The following SKIL variants were observed in gnomAD, a reference collection of about 807,000 sequenced individuals.
SKIL encodes the protein SKI like proto-oncogene.
SKIL carries 20 observed loss-of-function variants against 69.6 expected under a neutral mutation model. The observed-to-expected ratio is 0.29, with a 90% CI of 0.20 to 0.42. The LOEUF (loss-of-function observed/expected upper bound fraction) is 0.42. Among genes scored for constraint, SKIL ranks in the 10% least tolerant of loss-of-function variants. The pLI is 1.00. For synonymous variants in SKIL, 310 were observed against 279.9 expected (o/e 1.11, Z -1.08); for missense variants, 745 against 783.1 (o/e 0.95, Z 0.58).
chr3:170,376,042 C>CTTTTTT (rs869036195), intron 2 of SKIL, among the ~76,000 whole-genome samples: 14 of 89,136 alleles, frequency 1.6e-4, no homozygotes, highest in Admixed American at 4.2e-4. Context: ...GCTGATTTTC[C>CTTTTTT]TTTTTTTTTT....
intron 6 of SKIL, among the ~76,000 whole-genome samples, chr3:170,391,808 C>CTCT (rs1737937166): frequency 7.0e-6 from 1 of 142,536 alleles, no homozygotes; most frequent in African/African-American, 2.5e-5. Flanking sequence ...AATTGCTAAT[C>CTCT]TCTAGCCCTC....
chr3:170,368,849 T>C (rs1207783631), intron 2 of SKIL, among the ~76,000 whole-genome samples: 1 of 152,214 alleles, frequency 6.6e-6, no homozygotes, highest in Non-Finnish European at 1.5e-5. Context: ...TTTCGACTTG[T>C]TACCCAAAAA....
At chr3:170,364,857 A>G (rs926918389) in intron 2 of SKIL, among the ~76,000 whole-genome samples, 6 of 152,156 alleles carry the variant, frequency 3.9e-5, no homozygotes, top group African/African-American at 1.4e-4. Flanking sequence ...TGATTTGAAT[A>G]CATTTTCGAT....
rs1213211067 is a variant in SKIL at position 170,395,090 on chromosome 3, A to G, written c.*2673A>G. The G allele has an allele frequency of 6.6e-6, 1 of 152,180 alleles. No homozygotes were observed. Among genetic ancestry groups the G allele is most frequent in the African/African-American group, 2.4e-5 (1 of 41,458 alleles). The allele number at this position is 152,180 out of a possible 1,614,324, so 9.4% of individuals were successfully genotyped here. A position where few individuals can be genotyped will look rare whatever the true frequency, so the allele number is the denominator to read the frequency against. Reference sequence around the variant, plus strand: ...AACCTATAAAAAGTTTTGCTAGCTCATCTTTAGAAGGAAGAAAGAATATTA... The same window carrying G: ...AACCTATAAAAAGTTTTGCTAGCTCGTCTTTAGAAGGAAGAAAGAATATTA... On this transcript the variant is annotated 3_prime_UTR_variant, in exon 7 of 7. Transcript: ENST00000259119.
At position 170,391,273 on chromosome 3, in the gene SKIL, G is replaced by GT; in HGVS notation, c.1896+16dup. ...ATATGCAGGACAGGTAAGAATTACT[G>GT]TTTGTATAATGGTGCCCTTTCAGCA... On this transcript the variant is annotated intron_variant, in intron 6 of 6. Coordinates refer to ENST00000259119, the MANE Select transcript of SKIL (RefSeq NM_005414.5). The GT allele has an allele frequency of 7.0e-7, 1 of 1,431,174 alleles. No homozygotes were observed. The highest frequency in any genetic ancestry group is 1.2e-5 in the South Asian group (1 of 83,494). 88.7% of individuals were successfully genotyped at this position (1,431,174 alleles called of 1,614,324 possible).
intron 2 of SKIL, among the ~76,000 whole-genome samples, chr3:170,364,436 G>A (rs1054528994): frequency 4.1e-5 from 6 of 146,600 alleles, no homozygotes; most frequent in African/African-American, 1.5e-4. Flanking sequence ...TGATTCTCCT[G>A]TCTCAGCCTC....
At chr3:170,366,007 C>T (rs1364064965) in intron 2 of SKIL, among the ~76,000 whole-genome samples, 11 of 151,078 alleles carry the variant, frequency 7.3e-5, no homozygotes, top group South Asian at 2.1e-4. Context: ...CCACCTGCCT[C>T]GGCCTCCCAA....
rs143933706 is a variant in SKIL, at chr3:170,360,662, C to T, written c.331C>T (p.His111Tyr). 135 of 1,614,204 alleles carry T rather than the reference C, an allele frequency of 8.4e-5. No homozygotes were observed. In the African/African-American group the frequency reaches 1.4e-3, roughly 17 times the overall value. ...LGGPAAFSAR[H>Y]SQESMSPTVF... ...TGGACCAGCAGCATTTTCTGCTCGG[C>T]ATTCCCAAGAAAGCATGTCGCCTAC... Residue 111 changes from histidine (H) to tyrosine (Y), a missense_variant, in exon 2 of 7, where the codon CAT (histidine) becomes TAT (tyrosine). Physicochemically the swap from His to Tyr is moderately conservative, Grantham distance 83. Transcript: ENST00000259119.
At position 170,393,319 on chromosome 3, in the gene SKIL, TTTTCC is replaced by T. The variant is rs1360724558; in HGVS notation, c.*906_*910del. ...TACTAAAATTTATATAATGGACTTG[TTTTCC>T]TTTAAGTTGTAAAATGTTAAACACC... On this transcript the variant is annotated 3_prime_UTR_variant, in exon 7 of 7. Coordinates refer to ENST00000259119, the MANE Select transcript of SKIL (RefSeq NM_005414.5). The T allele has an allele frequency of 6.6e-6, 1 of 152,148 alleles. No individual in the cohort carries two copies. Among genetic ancestry groups the T allele is most frequent in the Non-Finnish European group, 1.5e-5 (1 of 68,004 alleles). 9.4% of individuals were successfully genotyped at this position (152,148 alleles called of 1,614,324 possible). A position where few individuals can be genotyped will look rare whatever the true frequency, so the allele number is the denominator to read the frequency against.
At chr3:170,378,847 T>G (rs1560215281) in intron 2 of SKIL, among the ~76,000 whole-genome samples, 1 of 108,378 alleles carries the variant, frequency 9.2e-6, no homozygotes, top group Admixed American at 1.2e-4. Context: ...AATTGGAGCT[T>G]CTTTTATTTA....
rs982266102 is a variant in SKIL at position 170,360,415 on chromosome 3, A to C, written c.84A>C (p.Pro28=). Residue 28 remains proline, a synonymous_variant, in exon 2 of 7, where the codon CCA becomes CCC. Transcript: ENST00000259119. ...GGATGGGAGATGATGGCAGCCCCCC[A>C]GCGAAAAAAATGATAACGGACATTC... ...LNGMGDDGSP[P]AKKMITDIHA... 6.2e-7 allele frequency: 1 copy of C among 1,612,858 alleles called. No homozygotes were observed. The highest frequency in any genetic ancestry group is 1.3e-5 in the African/African-American group (1 of 74,898).
intron 2 of SKIL, among the ~76,000 whole-genome samples, chr3:170,378,609 TGGC>T (rs1474466296): frequency 1.4e-5 from 2 of 139,078 alleles, no homozygotes; most frequent in Non-Finnish European, 3.0e-5. Flanking sequence ...TGGAGTGCAG[TGGC>T]GCGAACTCAG....
At position 170,360,722 on chromosome 3, in the gene SKIL, C is replaced by T; in HGVS notation, c.391C>T (p.Pro131Ser). The T allele has an allele frequency of 6.2e-7, 1 of 1,614,204 alleles. No individual in the cohort carries two copies. Among genetic ancestry groups the T allele is most frequent in the Non-Finnish European group, 8.5e-7 (1 of 1,180,030 alleles). ...GCCTCTTCCATCACCTCAGGTTCTT[C>T]CTGGCCCATTGCTCATCCCTTCAGA... ...FLPLPSPQVL[P>S]GPLLIPSDSS... Residue 131 changes from proline (P) to serine (S), a missense_variant, in exon 2 of 7, where the codon CCT (proline) becomes TCT (serine). Physicochemically the swap from Pro to Ser is moderately conservative, Grantham distance 74. Transcript: ENST00000259119.
chr3:170,381,688 C>G (rs1208101162), intron 3 of SKIL, among the ~76,000 whole-genome samples: 1 of 152,062 alleles, frequency 6.6e-6, no homozygotes, highest in African/African-American at 2.4e-5. Flanking sequence ...CTGCCTCAGC[C>G]TCCCAAAGTG....
At chr3:170,367,419 T>C (rs1001708684) in intron 2 of SKIL, among the ~76,000 whole-genome samples, 10 of 149,308 alleles carry the variant, frequency 6.7e-5, no homozygotes, top group African/African-American at 2.5e-4. Flanking sequence ...TTGTAGCATG[T>C]GGCTGACAGT....
chr3:170,360,881 A>G lies in SKIL; in HGVS notation c.550A>G (p.Asn184Asp). The change falls in exon 2 of 7, where the codon AAT (asparagine) becomes GAT (aspartate). Residue 184 changes from asparagine (N) to aspartate (D), a missense_variant. Transcript: ENST00000259119. ...CCGAGAATTTACACTCCAGCAAATAAATACAGTGTGTGATGAACTGTACAT... is the reference window on the plus strand; with the variant it reads ...CCGAGAATTTACACTCCAGCAAATAGATACAGTGTGTGATGAACTGTACAT... The part of the protein sequence containing the change: ...VLREFTLQQI[N>D]TVCDELYIYC... The G allele has an allele frequency of 6.2e-7, 1 of 1,614,166 alleles. No individual in the cohort carries two copies. The highest frequency in any genetic ancestry group is 8.5e-7 in the Non-Finnish European group (1 of 1,179,990).
Position 170,395,201 on chromosome 3 carries a change from A to C in SKIL, c.*2784A>C, listed in dbSNP as rs1369992214. 1 of 152,122 alleles carries C rather than the reference A, an allele frequency of 6.6e-6. No individual in the cohort carries two copies. Among genetic ancestry groups the C allele is most frequent in the African/African-American group, 2.4e-5 (1 of 41,418 alleles). The allele number at this position is 152,122 out of a possible 1,614,324, so 9.4% of individuals were successfully genotyped here. A position where few individuals can be genotyped will look rare whatever the true frequency, so the allele number is the denominator to read the frequency against. Reference sequence around the variant, plus strand: ...GTGTACCTACTCTATAAAGGTAATAAATGTAAAACCTCTTGCTGTTATTGA... The same window carrying C: ...GTGTACCTACTCTATAAAGGTAATACATGTAAAACCTCTTGCTGTTATTGA... On this transcript the variant is annotated 3_prime_UTR_variant, in exon 7 of 7. Coordinates refer to ENST00000259119, the MANE Select transcript of SKIL (RefSeq NM_005414.5).
intron 3 of SKIL, among the ~76,000 whole-genome samples, chr3:170,383,316 G>A (rs1311166235): frequency 5.9e-5 from 9 of 152,172 alleles, no homozygotes; most frequent in Non-Finnish European, 1.0e-4. Context: ...TCAGAAAACT[G>A]AGATTTTGGC....
intron 4 of SKIL, among the ~76,000 whole-genome samples, chr3:170,389,462 C>T (rs992518716): frequency 5.3e-5 from 8 of 151,904 alleles, no homozygotes; most frequent in African/African-American, 1.2e-4. Context: ...TACAGGCGCC[C>T]GCCACCAAGC....
Sources: gnomAD v4.1 joint callset for allele counts (sites outside exome capture counted in the v4.1 genomes callset) on GRCh38, gnomAD v4.1.1 for gene constraint, MANE v1.5 for transcripts, NCBI Gene and HGNC (gene_info 2026-07-23, HGNC 2026-07-21) for gene names.